Variants in GRIP1 observed in about 807,000 individuals in gnomAD.
GRIP1 encodes glutamate receptor-interacting protein 1.
A neutral mutation model predicts 129.9 loss-of-function variants in GRIP1; 45 were observed. The ratio of observed to expected loss-of-function variants is 0.35; its 90% CI spans 0.27 to 0.44. The LOEUF (loss-of-function observed/expected upper bound fraction) is 0.44. GRIP1 is among the 20% of genes least tolerant of loss of function. The probability of loss-of-function intolerance (pLI) is 1.00; values close to 1 mark genes in which losing one functional copy is unlikely to be tolerated. For missense variants in GRIP1, 1,196 were observed against 1,396.8 expected, an observed-to-expected ratio of 0.86 and a Z score of 2.29; for synonymous variants, 530 against 520.8, an observed-to-expected ratio of 1.02 and a Z score of -0.24.
rs1555241748 is a variant in GRIP1, at chr12:66,815,820, A to ATTTCTTTCTTTCTTTCTTTCTT, written c.59-218915_59-218894dup. Among the ~76,000 whole-genome samples the ATTTCTTTCTTTCTTTCTTTCTT allele has an allele frequency of 8.1e-3, 964 of 118,466 alleles. 31 individuals are homozygous for ATTTCTTTCTTTCTTTCTTTCTT. Among genetic ancestry groups the ATTTCTTTCTTTCTTTCTTTCTT allele is most frequent in the African/African-American group, 0.033 (893 of 26,700 alleles). 77.7% of individuals were successfully genotyped at this position (118,466 alleles called of 152,430 possible). A position where few individuals can be genotyped will look rare whatever the true frequency, so the allele number is the denominator to read the frequency against. ...GGGAGTGGCTTAAACAAGATGAAAG[A>ATTTCTTTCTTTCTTTCTTTCTT]TTTCTTTCTTTCTTTCTTTCTTTCT... On this transcript the variant is annotated intron_variant, in intron 1 of 1. Transcript: ENST00000643019.
At chr12:66,489,338 T>C (rs556494017) in intron 7 of GRIP1, among the ~76,000 whole-genome samples, 2 of 152,252 alleles carry the variant, frequency 1.3e-5, no homozygotes, top group South Asian at 4.2e-4. Flanking sequence ...AATCAATAAA[T>C]GTGATTCATC....
At chr12:66,720,816 T>G (rs2036034493) in intron 1 of GRIP1, among the ~76,000 whole-genome samples, 1 of 152,308 alleles carries the variant, frequency 6.6e-6, no homozygotes, top group Non-Finnish European at 1.5e-5. Flanking sequence ...TACTGAACTC[T>G]TGAACCCCTC....
chr12:66,420,119 T>C (rs761991745), intron 15 of GRIP1, among the ~76,000 whole-genome samples: 3 of 152,146 alleles, frequency 2.0e-5, no homozygotes, highest in Non-Finnish European at 4.4e-5. Flanking sequence ...AAAGTATTTA[T>C]TTAATAAAAT....
chr12:66,366,611 C>T (rs1039056), intron 23 of GRIP1, among the ~76,000 whole-genome samples: 76,804 of 152,094 alleles, frequency 0.5, 19,989 homozygotes, highest in East Asian at 0.75. Context: ...TGGCTGCATA[C>T]AATTAAGAAG....
intron 11 of GRIP1, among the ~76,000 whole-genome samples, chr12:66,452,281 G>GT (rs2058830162): frequency 6.6e-6 from 1 of 152,220 alleles, no homozygotes; most frequent in South Asian, 2.1e-4. Context: ...GGAAAGGGCA[G>GT]TAAGATTCCA....
chr12:66,498,077 T>G (rs2060285073), intron 7 of GRIP1, among the ~76,000 whole-genome samples: 1 of 152,182 alleles, frequency 6.6e-6, no homozygotes, highest in South Asian at 2.1e-4. Flanking sequence ...AATTTTCATT[T>G]ACCTACCCAA....
intron 1 of GRIP1, among the ~76,000 whole-genome samples, chr12:66,939,515 A>T (rs183585720): frequency 6.6e-6 from 1 of 152,258 alleles, no homozygotes; most frequent in African/African-American, 2.4e-5. Flanking sequence ...AAACACAGTA[A>T]CTAAGTAAAA....
rs373046362 is a variant in GRIP1, at chr12:66,379,453, G to A, written c.2465-17C>T. 1.0e-4 allele frequency: 164 copies of A among 1,613,360 alleles called. 1 individual carries two copies. Among genetic ancestry groups the A allele is most frequent in the Middle Eastern group, 3.3e-4 (2 of 6,082 alleles). On this transcript the variant is annotated splice_polypyrimidine_tract_variant and intron_variant, in intron 19 of 24. Transcript: ENST00000359742. The stretch of plus-strand genomic sequence containing the variant: ...AACTAGTGCCTAAAATATAAACAAG[G>A]TGTTAGCATTGGGCCCAAGGATTAC...
chr12:66,968,733 G>C (rs549829171), intron 1 of GRIP1, among the ~76,000 whole-genome samples: 2 of 152,028 alleles, frequency 1.3e-5, no homozygotes, highest in Non-Finnish European at 2.9e-5. Flanking sequence ...ACAATTATTA[G>C]TTTAAACAAA....
intron 1 of GRIP1, among the ~76,000 whole-genome samples, chr12:66,600,416 G>A (rs148686894): frequency 6.6e-6 from 1 of 152,184 alleles, no homozygotes; most frequent in African/African-American, 2.4e-5. Context: ...CTAGCACATC[G>A]TAGGCATTCA....
rs375195136 is a variant in GRIP1 at position 66,765,298 on chromosome 12, G to C, written c.-420+38755C>G. 4.6e-5 allele frequency among the ~76,000 whole-genome samples: 7 copies of C among 152,196 alleles called. No individual in the cohort carries two copies. The East Asian group carries it at 1.2e-3, about 25-fold the overall frequency. Reference sequence around the variant, plus strand: ...CTGCAGGAAGCATATTTTTTGAATGGGTTTCTAGCCTTCATCTGAACACCT... The same window carrying C: ...CTGCAGGAAGCATATTTTTTGAATGCGTTTCTAGCCTTCATCTGAACACCT... On this transcript the variant is annotated intron_variant, in intron 1 of 4. Coordinates refer to the GRIP1 transcript ENST00000538373.
intron 1 of GRIP1, among the ~76,000 whole-genome samples, chr12:66,701,511 A>C (rs2035353185): frequency 6.6e-6 from 1 of 152,314 alleles, no homozygotes; most frequent in Admixed American, 6.5e-5. Flanking sequence ...ATACATCTGG[A>C]AAGATGTACA....
chr12:66,371,628 G>A (rs1038251906), intron 23 of GRIP1, 66 bp downstream of exon 23: 8 of 985,634 alleles, frequency 8.1e-6, no homozygotes, highest in African/African-American at 1.6e-5. Context: ...CTTACATCTC[G>A]GCGTACATGC....
intron 1 of GRIP1, among the ~76,000 whole-genome samples, chr12:66,830,557 C>T (rs916913098): frequency 9.2e-5 from 14 of 152,106 alleles, no homozygotes; most frequent in Non-Finnish European, 1.3e-4. Context: ...TGTGCTGATA[C>T]CTTGATTTTG....
At chr12:66,496,565 T>C (rs2060244873) in intron 7 of GRIP1, among the ~76,000 whole-genome samples, 1 of 152,216 alleles carries the variant, frequency 6.6e-6, no homozygotes, top group Non-Finnish European at 1.5e-5. Context: ...TGTGTACTAC[T>C]GTACCTTCTC....
At chr12:66,496,702 T>C (rs867147886) in intron 7 of GRIP1, among the ~76,000 whole-genome samples, 8 of 152,170 alleles carry the variant, frequency 5.3e-5, no homozygotes, top group South Asian at 2.1e-4. Context: ...GGAAGTCATC[T>C]CTTGGTATGG....
chr12:66,592,860 G>A (rs2063898204), intron 2 of GRIP1, among the ~76,000 whole-genome samples: 1 of 152,126 alleles, frequency 6.6e-6, no homozygotes, highest in Admixed American at 6.5e-5. Flanking sequence ...GTCAAATACA[G>A]GAGAATCAAT....
At chr12:66,736,538 A>C (rs1768209660) in intron 1 of GRIP1, among the ~76,000 whole-genome samples, 1 of 151,836 alleles carries the variant, frequency 6.6e-6, no homozygotes, top group Non-Finnish European at 1.5e-5. Context: ...ATTGAGTAGA[A>C]GTGGGTCATC....
chr12:66,450,174 G>T (rs551592412), intron 11 of GRIP1, among the ~76,000 whole-genome samples: 2 of 151,498 alleles, frequency 1.3e-5, no homozygotes, highest in African/African-American at 4.8e-5. Flanking sequence ...CGTGGTGGCA[G>T]GCGCCTGTAG....
Sources: allele counts gnomAD v4.1 joint callset (sites outside exome capture counted in the v4.1 genomes callset), GRCh38; gene constraint gnomAD v4.1.1; transcripts MANE v1.5; gene names NCBI Gene and HGNC (gene_info 2026-07-23, HGNC 2026-07-21).